BFSP2: variants seen among roughly 807,000 people sequenced by gnomAD.
BFSP2 encodes beaded filament structural protein 2.
A neutral mutation model predicts 44.9 loss-of-function variants in BFSP2; 38 were observed. The observed-to-expected ratio is 0.85, with a 90% confidence interval of 0.65 to 1.11. The LOEUF (loss-of-function observed/expected upper bound fraction) is 1.11, where lower values mean the gene tolerates loss of function less well. Among genes scored for constraint, BFSP2 ranks in the 50% least tolerant of loss-of-function variants. The pLI, the probability that BFSP2 is intolerant of heterozygous loss-of-function variation, is 0.00. For missense variants in BFSP2, 525 were observed against 533.0 expected, an observed-to-expected ratio of 0.99 and a Z score of 0.15; for synonymous variants, 197 against 209.9, an observed-to-expected ratio of 0.94 and a Z score of 0.53.
chr3:133,469,224 C>A lies in BFSP2; in HGVS notation c.1023+2265C>A, dbSNP rs148722888. Among the ~76,000 whole-genome samples, 10 of 152,302 alleles carry A rather than the reference C, an allele frequency of 6.6e-5. No individual in the cohort carries two copies. The East Asian group carries it at 1.7e-3, about 26-fold the overall frequency. ...GTAGATTATCGTTCTGGTCACGGGG[C>A]CTTGCAGCCAAGGTGAGGAGCACAG... On this transcript the variant is annotated intron_variant, in intron 5 of 6. Coordinates refer to ENST00000302334, the MANE Select transcript of BFSP2 (RefSeq NM_003571.4).
chr3:133,443,875 C>G (rs2073868997), intron 1 of BFSP2, among the ~76,000 whole-genome samples: 1 of 152,026 alleles, frequency 6.6e-6, no homozygotes, highest in African/African-American at 2.4e-5. Context: ...ACCCTTGGGC[C>G]CAAATGATAA....
At chr3:133,413,436 T>C (rs2073475508) in intron 1 of BFSP2, among the ~76,000 whole-genome samples, 1 of 152,138 alleles carries the variant, frequency 6.6e-6, no homozygotes, top group Non-Finnish European at 1.5e-5. Flanking sequence ...AAATTAAAAC[T>C]AATCCAGGCA....
intron 1 of BFSP2, among the ~76,000 whole-genome samples, chr3:133,436,921 C>T (rs998627888): frequency 4.5e-4 from 67 of 148,582 alleles, no homozygotes; most frequent in African/African-American, 1.7e-3. Flanking sequence ...CATGTCCCTA[C>T]AAAGGACATG....
intron 6 of BFSP2, 22 bp from the exon 7 acceptor site, chr3:133,474,947 A>ACTC (rs2107947976): frequency 6.2e-7 from 1 of 1,613,848 alleles, no homozygotes; most frequent in Admixed American, 1.7e-5. Context: ...ATTGCTTCTG[A>ACTC]CTCCTATGTG....
intron 1 of BFSP2, among the ~76,000 whole-genome samples, chr3:133,411,798 T>C (rs1210830958): frequency 6.6e-6 from 1 of 152,076 alleles, no homozygotes; most frequent in Non-Finnish European, 1.5e-5. Flanking sequence ...TCTGGGAAAC[T>C]ATAAGACAAA....
chr3:133,456,801 A>T (rs576690432), intron 4 of BFSP2, among the ~76,000 whole-genome samples: 62 of 152,312 alleles, frequency 4.1e-4, no homozygotes, highest in African/African-American at 1.5e-3. Flanking sequence ...ATTATGTTTA[A>T]TTTTTATTTC....
chr3:133,465,796 C>A (rs543243103), intron 4 of BFSP2, among the ~76,000 whole-genome samples: 3 of 152,146 alleles, frequency 2.0e-5, no homozygotes, highest in Non-Finnish European at 4.4e-5. Flanking sequence ...CCACTATTCA[C>A]CAAAATTAAA....
chr3:133,459,693 G>A (rs1048008581), intron 4 of BFSP2, among the ~76,000 whole-genome samples: 6 of 152,216 alleles, frequency 3.9e-5, no homozygotes, highest in African/African-American at 1.4e-4. Context: ...CAGACTGGAT[G>A]GCATCCAGCC....
At chr3:133,454,795 G>T (rs2107930462) in intron 4 of BFSP2, among the ~76,000 whole-genome samples, 1 of 152,266 alleles carries the variant, frequency 6.6e-6, no homozygotes, top group South Asian at 2.1e-4. Flanking sequence ...ATAACACTTG[G>T]CTTAAAATGC....
chr3:133,429,451 G>C (rs2073686885), intron 1 of BFSP2: 1 of 152,232 alleles, frequency 6.6e-6, no homozygotes, highest in African/African-American at 2.4e-5. Context: ...GGGGACCTCA[G>C]TCTTTGCTCT....
chr3:133,448,718 C>A (rs2073927671), intron 3 of BFSP2, 73 bp downstream of exon 3: 1 of 1,557,516 alleles, frequency 6.4e-7, no homozygotes, highest in Non-Finnish European at 8.8e-7. Context: ...TGCTTCATAA[C>A]AAGGCCACAG....
intron 1 of BFSP2, among the ~76,000 whole-genome samples, chr3:133,432,943 G>A (rs772367755): frequency 6.6e-5 from 10 of 152,130 alleles, no homozygotes; most frequent in South Asian, 2.1e-4. Flanking sequence ...AGCGGCTGCC[G>A]CTGCTTTAAT....
chr3:133,468,685 G>A (rs752855408), intron 5 of BFSP2, among the ~76,000 whole-genome samples: 14 of 152,220 alleles, frequency 9.2e-5, no homozygotes, highest in Non-Finnish European at 1.2e-4. Context: ...GGGCTCGAAA[G>A]TCTCTGGACA....
Position 133,445,047 on chromosome 3 carries a change from G to C in BFSP2, c.490-2270G>C, listed in dbSNP as rs115312042. On this transcript the variant is annotated intron_variant, in intron 1 of 6. Coordinates refer to ENST00000302334, the MANE Select transcript of BFSP2 (RefSeq NM_003571.4). Reference sequence around the variant, plus strand: ...TTTTAACCTCATCTCCTACAGTAGCGGCTGGTTTCTCAACAAACAGGACAG... The same window carrying C: ...TTTTAACCTCATCTCCTACAGTAGCCGCTGGTTTCTCAACAAACAGGACAG... Among the ~76,000 whole-genome samples, 1,381 of 152,252 alleles carry C rather than the reference G, an allele frequency of 9.1e-3. 26 individuals carry two copies. The highest frequency in any genetic ancestry group is 0.031 in the African/African-American group (1,288 of 41,546).
intron 6 of BFSP2, among the ~76,000 whole-genome samples, chr3:133,473,024 C>A (rs1240273252): frequency 2.6e-5 from 4 of 151,668 alleles, no homozygotes; most frequent in African/African-American, 9.7e-5. Flanking sequence ...AACCCCTGGG[C>A]TCAAGTGATC....
At chr3:133,448,731 G>A in intron 3 of BFSP2, 86 bp downstream of exon 3, 4 of 1,518,928 alleles carry the variant, frequency 2.6e-6, no homozygotes, top group Non-Finnish European at 2.7e-6. Flanking sequence ...GGCCACAGTA[G>A]CTCATTTCTG....
chr3:133,406,956 C>T (rs1052622590), intron 1 of BFSP2, among the ~76,000 whole-genome samples: 1 of 152,144 alleles, frequency 6.6e-6, no homozygotes, highest in Non-Finnish European at 1.5e-5. Flanking sequence ...TGCCTGTAAT[C>T]CAAGTACATT....
chr3:133,444,264 CAAT>C (rs1436583046), intron 1 of BFSP2, among the ~76,000 whole-genome samples: 1 of 152,060 alleles, frequency 6.6e-6, no homozygotes, highest in African/African-American at 2.4e-5. Flanking sequence ...AGACAAATAA[CAAT>C]GATGATAATG....
intron 1 of BFSP2, among the ~76,000 whole-genome samples, chr3:133,416,328 C>T (rs1476985682): frequency 7.1e-6 from 1 of 141,676 alleles, no homozygotes; most frequent in Non-Finnish European, 1.5e-5. Context: ...CTCACCCGTC[C>T]TCTCCCTTCT....
Sources: gnomAD v4.1 joint callset for allele counts (sites outside exome capture counted in the v4.1 genomes callset) on GRCh38, gnomAD v4.1.1 for gene constraint, MANE v1.5 for transcripts, NCBI Gene and HGNC (gene_info 2026-07-23, HGNC 2026-07-21) for gene names.